The following PHYHIPL variants were observed in gnomAD, a reference collection of about 807,000 sequenced individuals.
PHYHIPL encodes phytanoyl-CoA hydroxylase-interacting protein-like.
Under a neutral mutation model 33.4 loss-of-function variants are expected in PHYHIPL, and 9 were observed. The ratio of observed to expected loss-of-function variants is 0.27; its 90% CI spans 0.16 to 0.47. The LOEUF (loss-of-function observed/expected upper bound fraction) is 0.47. PHYHIPL is among the 20% of genes least tolerant of loss of function. The probability of loss-of-function intolerance (pLI) is 0.99; values close to 1 mark genes in which losing one functional copy is unlikely to be tolerated. For missense variants in PHYHIPL, 365 were observed against 460.7 expected, an observed-to-expected ratio of 0.79 and a Z score of 1.90; for synonymous variants, 153 against 154.1, an observed-to-expected ratio of 0.99 and a Z score of 0.05.
intron 3 of PHYHIPL, among the ~76,000 whole-genome samples, chr10:59,236,947 A>G (rs2133290845): frequency 6.6e-6 from 1 of 151,584 alleles, no homozygotes; most frequent in East Asian, 1.9e-4. Flanking sequence ...GTTTGAAAAT[A>G]TACTCAGCAT....
chr10:59,183,590 T>C (rs1838474344), intron 1 of PHYHIPL: 1 of 935,582 alleles, frequency 1.1e-6, no homozygotes, highest in Non-Finnish European at 1.3e-6. Flanking sequence ...CATCCAACTT[T>C]AAACAACAAA....
At chr10:59,198,848 G>A (rs1839007668) in intron 1 of PHYHIPL, among the ~76,000 whole-genome samples, 2 of 152,180 alleles carry the variant, frequency 1.3e-5, no homozygotes, top group Admixed American at 1.3e-4. Flanking sequence ...CTGCATAAAT[G>A]CCTTCTTTTG....
intron 1 of PHYHIPL, among the ~76,000 whole-genome samples, chr10:59,203,248 A>T (rs981851479): frequency 1.3e-5 from 2 of 152,244 alleles, no homozygotes; most frequent in Non-Finnish European, 2.9e-5. Flanking sequence ...AATGGTGATC[A>T]TTAAAAAGCC....
At chr10:59,196,516 C>T (rs1277556091) in intron 1 of PHYHIPL, among the ~76,000 whole-genome samples, 5 of 150,742 alleles carry the variant, frequency 3.3e-5, no homozygotes, top group East Asian at 2.0e-4. Flanking sequence ...CCCGGGTTCA[C>T]GCCATTCTCC....
At chr10:59,208,934 AC>A (rs1337337317) in intron 1 of PHYHIPL, among the ~76,000 whole-genome samples, 2 of 152,206 alleles carry the variant, frequency 1.3e-5, no homozygotes, top group African/African-American at 4.8e-5. Flanking sequence ...ATGTGAAAAG[AC>A]CAAACCTACA....
chr10:59,180,003 G>A (rs563473500), intron 1 of PHYHIPL, among the ~76,000 whole-genome samples: 95 of 151,798 alleles, frequency 6.3e-4, no homozygotes, highest in African/African-American at 2.3e-3. Context: ...CCTATTGCAA[G>A]TAGAAGAGTA....
intron 1 of PHYHIPL, among the ~76,000 whole-genome samples, chr10:59,203,743 A>T (rs1464654402): frequency 1.5e-5 from 2 of 132,892 alleles, no homozygotes; most frequent in Non-Finnish European, 3.2e-5. Flanking sequence ...CAGGGTGGGG[A>T]ACATCACACA....
intron 2 of PHYHIPL, 64 bp from the exon 3 acceptor site, chr10:59,236,419 C>T: frequency 9.9e-7 from 1 of 1,007,734 alleles, no homozygotes; most frequent in Non-Finnish European, 1.4e-6. Context: ...CTTCTTTCTT[C>T]ACTTCCTTCG....
At chr10:59,175,993 T>C (rs181748155), upstream of PHYHIPL, among the ~76,000 whole-genome samples, 1 of 152,340 alleles carries the variant, frequency 6.6e-6, no homozygotes, top group East Asian at 1.9e-4. Context: ...CTCACCTTTC[T>C]GGCAGTAAGG....
intron 4 of PHYHIPL, among the ~76,000 whole-genome samples, chr10:59,241,543 G>A (rs1840396759): frequency 6.6e-6 from 1 of 152,146 alleles, no homozygotes; most frequent in African/African-American, 2.4e-5. Flanking sequence ...GTAGACATGT[G>A]TAGGAATTCC....
chr10:59,173,721 C>A (rs929742737), upstream of PHYHIPL, among the ~76,000 whole-genome samples: 3 of 151,950 alleles, frequency 2.0e-5, no homozygotes, highest in Non-Finnish European at 4.4e-5. Context: ...TTCTTTATGG[C>A]CAGTTTTTAC....
At chr10:59,219,262 A>T (rs1839697977) in intron 1 of PHYHIPL, 5 of 932,410 alleles carry the variant, frequency 5.4e-6, no homozygotes, top group Non-Finnish European at 6.4e-6. Flanking sequence ...AGAGTTAGGA[A>T]TAAATTGCTG....
At chr10:59,208,563 A>G (rs1589275648) in intron 1 of PHYHIPL, among the ~76,000 whole-genome samples, 1 of 152,132 alleles carries the variant, frequency 6.6e-6, no homozygotes, top group East Asian at 1.9e-4. Flanking sequence ...ACAAAACTGG[A>G]CAGAGCATGA....
chr10:59,182,215 C>A (rs543862445), intron 1 of PHYHIPL, among the ~76,000 whole-genome samples: 1 of 152,160 alleles, frequency 6.6e-6, no homozygotes, highest in East Asian at 1.9e-4. Context: ...GTAGAATGTG[C>A]CTCCTTCTTG....
At chr10:59,177,326 C>T in intron 1 of PHYHIPL, 2 of 744,438 alleles carry the variant, frequency 2.7e-6, no homozygotes, top group South Asian at 4.3e-5. Context: ...GGGGAAATGC[C>T]CTCGGGATGT....
At position 59,245,765 on chromosome 10, in the gene PHYHIPL, A is replaced by G; in HGVS notation, c.*174A>G. 1 of 648,176 alleles carries G rather than the reference A, an allele frequency of 1.5e-6. No homozygotes were observed. Among genetic ancestry groups the G allele is most frequent in the Non-Finnish European group, 2.5e-6 (1 of 396,290 alleles). 40.2% of individuals were successfully genotyped at this position (648,176 alleles called of 1,614,324 possible). A position where few individuals can be genotyped will look rare whatever the true frequency, so the allele number is the denominator to read the frequency against. ...TTCAGAACCATTTTAGTGTTTTCCT[A>G]TTCCCTACCCCTCCCACTACTTTCA... On this transcript the variant is annotated 3_prime_UTR_variant, in exon 5 of 5. Coordinates refer to ENST00000373880, the MANE Select transcript of PHYHIPL (RefSeq NM_032439.4).
At chr10:59,238,787 T>TC in intron 4 of PHYHIPL, 82 bp downstream of exon 4, 1 of 751,658 alleles carries the variant, frequency 1.3e-6, no homozygotes, top group South Asian at 2.2e-5. Context: ...GACTCTAGTT[T>TC]TGTCGAATAG....
At chr10:59,194,051 G>C (rs780447561) in intron 1 of PHYHIPL, among the ~76,000 whole-genome samples, 7 of 142,058 alleles carry the variant, frequency 4.9e-5, no homozygotes, top group Non-Finnish European at 9.3e-5. Flanking sequence ...TTTGCACTAT[G>C]TATTGTAGAA....
At chr10:59,180,430 C>T (rs1350979640) in intron 1 of PHYHIPL, among the ~76,000 whole-genome samples, 2 of 146,564 alleles carry the variant, frequency 1.4e-5, no homozygotes, top group African/African-American at 5.1e-5. Context: ...AAGCTGCCTC[C>T]AGCTTTGTTA....
Sources: gnomAD v4.1 joint callset for allele counts (sites outside exome capture counted in the v4.1 genomes callset) on GRCh38, gnomAD v4.1.1 for gene constraint, MANE v1.5 for transcripts, NCBI Gene and HGNC (gene_info 2026-07-23, HGNC 2026-07-21) for gene names.